C1QTNF12: variants seen among roughly 807,000 people sequenced by gnomAD.
The protein encoded by C1QTNF12 is adipolin.
C1QTNF12 carries 39 observed loss-of-function variants against 34.3 expected under a neutral mutation model. That is an observed-to-expected ratio of 1.14 (90% CI 0.88 to 1.49). The LOEUF (loss-of-function observed/expected upper bound fraction) is 1.49. Ranked by LOEUF, C1QTNF12 falls within the 40% of genes most tolerant of loss-of-function variation. C1QTNF12 has a pLI of 0.00. For synonymous variants in C1QTNF12, 220 were observed against 196.9 expected (o/e 1.12, Z -0.98); for missense variants, 497 against 424.7 (o/e 1.17, Z -1.50).
chr1:1,242,478 T>C lies in C1QTNF12; in HGVS notation c.*70A>G, dbSNP rs1233727413. The C allele has an allele frequency of 3.3e-6, 4 of 1,202,022 alleles. No individual in the cohort carries two copies. The highest frequency in any genetic ancestry group is 4.7e-6 in the Non-Finnish European group (4 of 851,472). 74.5% of individuals were successfully genotyped at this position (1,202,022 alleles called of 1,614,324 possible). ...GAGGGTGGAGGGCTCTTTATTGTGGTGACCACGGGCATCAGTAGGAGGGTC... is the reference window on the plus strand; with the variant it reads ...GAGGGTGGAGGGCTCTTTATTGTGGCGACCACGGGCATCAGTAGGAGGGTC... On this transcript the variant is annotated 3_prime_UTR_variant, in exon 8 of 8. Coordinates refer to ENST00000330388, the MANE Select transcript of C1QTNF12 (RefSeq NM_001014980.3).
chr1:1,246,567 G>A lies in C1QTNF12; in HGVS notation c.124C>T (p.Pro42Ser), dbSNP rs1003822106. 2.4e-6 allele frequency: 3 copies of A among 1,245,690 alleles called. No individual in the cohort carries two copies. Among genetic ancestry groups the A allele is most frequent in the Non-Finnish European group, 3.0e-6 (3 of 995,196 alleles). The allele number at this position is 1,245,690 out of a possible 1,614,324, so 77.2% of individuals were successfully genotyped here. A position where few individuals can be genotyped will look rare whatever the true frequency, so the allele number is the denominator to read the frequency against. The change falls in exon 1 of 8, where the codon CCC becomes TCC. Residue 42 changes from proline to serine, a missense_variant. By Grantham distance (74) the Pro-to-Ser change is moderately conservative. Coordinates refer to ENST00000330388, the MANE Select transcript of C1QTNF12 (RefSeq NM_001014980.3). This position sits in a 1 kb window ranked among gnomAD's most constrained non-coding sequence, Gnocchi z 4.5. ...GAGGACGCGCTGGCGGTGGCGTTGGGGGGATCTGCGCGCTGGCCAGGCTGC... is the reference window on the plus strand; with the variant it reads ...GAGGACGCGCTGGCGGTGGCGTTGGAGGGATCTGCGCGCTGGCCAGGCTGC... ...TQQPGQRADP[P>S]NATASASSRE...
In C1QTNF12 at chr1:1,246,161, AC is replaced by A. The variant is rs1570515590; in HGVS notation, c.177+352del. Reference sequence around the variant, plus strand: ...AACCATCCAGCAAGCAGCCGGAACCACCCCACCCCCGCCCCCAAATCAGCAA... The same window carrying A: ...AACCATCCAGCAAGCAGCCGGAACCACCCACCCCCGCCCCCAAATCAGCAA... On this transcript the variant is annotated intron_variant, in intron 1 of 7. Transcript: ENST00000330388. The surrounding 1 kb of genome is among the most constrained non-coding windows in gnomAD (Gnocchi z 4.5). Among the ~76,000 whole-genome samples, 1 of 140,326 alleles carries A rather than the reference AC, an allele frequency of 7.1e-6. No individual in the cohort carries two copies. The highest frequency in any genetic ancestry group is 2.6e-5 in the African/African-American group (1 of 38,828). 92.1% of individuals were successfully genotyped at this position (140,326 alleles called of 152,430 possible). A position where few individuals can be genotyped will look rare whatever the true frequency, so the allele number is the denominator to read the frequency against.
chr1:1,245,520 C>T (rs1198822758), intron 1 of C1QTNF12, among the ~76,000 whole-genome samples: 1 of 151,580 alleles, frequency 6.6e-6, no homozygotes, highest in Non-Finnish European at 1.5e-5. Context: ...GGCCCGCCAC[C>T]CTGCAGGGTC....
In C1QTNF12 at chr1:1,244,228, C is replaced by A. The variant is rs138029057; in HGVS notation, c.342G>T (p.Ala114=). 6.3e-7 allele frequency: 1 copy of A among 1,597,566 alleles called. No individual in the cohort carries two copies. Among genetic ancestry groups the A allele is most frequent in the South Asian group, 1.1e-5 (1 of 89,114 alleles). The change falls in exon 3 of 8, where the codon GCG becomes GCT. Residue 114 remains alanine (A), a synonymous_variant. Transcript: ENST00000330388. ...PPGPPGAEVT[A]ETLLHEFQEL... is the part of the protein sequence containing the mutation. ...CCTGAAACTCGTGAAGCAGAGTCTCCGCGGTCACTTCTGCACCTGGAGGTC... is the reference window on the plus strand; with the variant it reads ...CCTGAAACTCGTGAAGCAGAGTCTCAGCGGTCACTTCTGCACCTGGAGGTC...
intron 4 of C1QTNF12, 129 bp downstream of exon 4, chr1:1,243,825 C>T (rs1465347104): frequency 4.8e-6 from 6 of 1,249,488 alleles, no homozygotes; most frequent in South Asian, 4.5e-5. Flanking sequence ...GGCAGCCCCT[C>T]GCCCTCCGAG....
At chr1:1,244,328 C>T in intron 2 of C1QTNF12, 53 bp from the exon 3 acceptor site, 1 of 1,592,122 alleles carries the variant, frequency 6.3e-7, no homozygotes, top group South Asian at 1.1e-5. Context: ...GTGGGAGCTA[C>T]CACCACACCC....
At chr1:1,244,717 T>G in intron 1 of C1QTNF12, 1 of 528,616 alleles carries the variant, frequency 1.9e-6, no homozygotes, top group Non-Finnish European at 3.4e-6. Context: ...CCTGATGCCC[T>G]GAGCCCCTCA....
At chr1:1,243,292 C>T in intron 5 of C1QTNF12, 140 bp from the exon 6 acceptor site, 1 of 984,620 alleles carries the variant, frequency 1.0e-6, no homozygotes, top group Non-Finnish European at 1.5e-6. Flanking sequence ...GCCAGGCGTG[C>T]AGCAGGGACC....
Position 1,244,264 on chromosome 1 carries a change from G to C in C1QTNF12, c.306C>G (p.Phe102Leu), listed in dbSNP as rs753361658. 2 of 1,594,492 alleles carry C rather than the reference G, an allele frequency of 1.3e-6. No individual in the cohort carries two copies. Among genetic ancestry groups the C allele is most frequent in the African/African-American group, 2.7e-5 (2 of 74,190 alleles). Reference sequence around the variant, plus strand: ...CTGCACCTGGAGGTCCTGGGGGACCGAAGAGATCCCGCTGGGGGGAGAGAG... The same window carrying C: ...CTGCACCTGGAGGTCCTGGGGGACCCAAGAGATCCCGCTGGGGGGAGAGAG... ...GSRDKKPRDL[F>L]GPPGPPGAEV... The change falls in exon 3 of 8, where the codon TTC becomes TTG. Residue 102 changes from phenylalanine to leucine, a missense_variant. Phe to Leu is a conservative substitution (Grantham distance 22). Transcript: ENST00000330388.
intron 4 of C1QTNF12, 29 bp from the exon 5 acceptor site, chr1:1,243,581 C>G (rs201227696): frequency 6.6e-7 from 1 of 1,524,986 alleles, no homozygotes; most frequent in Non-Finnish European, 8.9e-7. Flanking sequence ...GAGCGGCCAG[C>G]GCAGGGCCTG....
At chr1:1,243,355 C>G in intron 5 of C1QTNF12, 89 bp downstream of exon 5, 1 of 1,285,532 alleles carries the variant, frequency 7.8e-7, no homozygotes, top group Non-Finnish European at 1.1e-6. Context: ...CCTAACAGGA[C>G]CCGCACCCGG....
intron 5 of C1QTNF12, 116 bp from the exon 6 acceptor site, chr1:1,243,268 A>G (rs1010810038): frequency 2.9e-5 from 30 of 1,031,886 alleles, no homozygotes; most frequent in Non-Finnish European, 3.9e-5. Flanking sequence ...GGGGCTGGGG[A>G]GGGGGCGCCT....
rs1570508879 is a variant in C1QTNF12, at chr1:1,242,933, G to A, written c.732-20C>T. The A allele has an allele frequency of 1.2e-6, 2 of 1,609,824 alleles. No individual in the cohort carries two copies. The highest frequency in any genetic ancestry group is 8.5e-7 in the Non-Finnish European group (1 of 1,178,474). ...AGGCACCTGAACACAGCCCCACAGG[G>A]CAAGAGGGAGGCGTTGCAGGTCCAG... On this transcript the variant is annotated intron_variant, in intron 6 of 7. Transcript: ENST00000330388.
chr1:1,243,028 G>T (rs374211737), intron 6 of C1QTNF12, 34 bp downstream of exon 6: 1 of 1,558,646 alleles, frequency 6.4e-7, no homozygotes, highest in South Asian at 1.2e-5. Flanking sequence ...TGGTCCGGGG[G>T]CTGCCGCCTG....
chr1:1,244,737 CA>C (rs1638838454), intron 1 of C1QTNF12: 1 of 488,182 alleles, frequency 2.0e-6, no homozygotes, highest in African/African-American at 2.1e-5. Context: ...ACTCCTCCCC[CA>C]CTCCTCCCCC....
chr1:1,243,137 TG>T lies in C1QTNF12; in HGVS notation c.655del (p.Gln219ArgfsTer104), dbSNP rs1160003714. 1.3e-6 allele frequency: 2 copies of T among 1,541,118 alleles called. No individual in the cohort carries two copies. Among genetic ancestry groups the T allele is most frequent in the Non-Finnish European group, 1.8e-6 (2 of 1,142,506 alleles). On this transcript the variant is annotated frameshift_variant, in exon 6 of 8. Transcript: ENST00000330388. LOFTEE classifies it high-confidence loss of function. ...CCGGGCCCGCAGCCGGGCCTTGCCC[TG>T]CAGCTCACTGTGGTCTGCGGAGAGA... is the stretch of plus-strand genomic sequence containing the variant. ...ASLHVDHSELQGKARLRARDV... is the reference protein window; with the variant it reads ...ASLHVDHSELXGKARLRARDV...
chr1:1,243,363 C>G, intron 5 of C1QTNF12, 81 bp downstream of exon 5: 2 of 1,344,772 alleles, frequency 1.5e-6, no homozygotes, highest in African/African-American at 1.5e-5. Flanking sequence ...GACCCGCACC[C>G]GGGGCCGGCG....
At chr1:1,246,849 G>A (rs1349856813), upstream of C1QTNF12, 6 of 443,858 alleles carry the variant, frequency 1.4e-5, no homozygotes, top group Admixed American at 2.0e-4. This position sits in a 1 kb window ranked among gnomAD's most constrained non-coding sequence, Gnocchi z 4.5. Context: ...ACGGCGGCGC[G>A]ACGGCGCTCA....
In C1QTNF12 at chr1:1,242,507, G is replaced by A. The variant is rs544009546; in HGVS notation, c.*41C>T. 2.6e-5 allele frequency: 39 copies of A among 1,474,400 alleles called. 1 individual carries two copies. The highest frequency in any genetic ancestry group is 1.7e-4 in the South Asian group (14 of 80,912). 91.3% of individuals were successfully genotyped at this position (1,474,400 alleles called of 1,614,324 possible). On this transcript the variant is annotated 3_prime_UTR_variant, in exon 8 of 8. Coordinates refer to ENST00000330388, the MANE Select transcript of C1QTNF12 (RefSeq NM_001014980.3). ...CACGGGCATCAGTAGGAGGGTCCCC[G>A]GGATCCGGCGGCAGCTCCTCGCCAG...
Sources: gnomAD v4.1 joint callset for allele counts (sites outside exome capture counted in the v4.1 genomes callset) on GRCh38, gnomAD v4.1.1 for gene constraint, Gnocchi (gnomAD v3.1) non-coding constraint, MANE v1.5 for transcripts, NCBI Gene and HGNC (gene_info 2026-07-23, HGNC 2026-07-21) for gene names.